The following ATP8B4 variants were observed in gnomAD, a reference collection of about 807,000 sequenced individuals.
ATP8B4 encodes probable phospholipid-transporting ATPase IM.
A neutral mutation model predicts 145.6 loss-of-function variants in ATP8B4; 133 were observed. That is an observed-to-expected ratio of 0.91 (90% CI 0.79 to 1.05). The LOEUF is 1.05. ATP8B4 is among the 50% of genes least tolerant of loss of function. The pLI is 0.00. For synonymous variants in ATP8B4, 507 were observed against 492.9 expected (o/e 1.03, Z -0.38); for missense variants, 1,458 against 1,425.2 (o/e 1.02, Z -0.37).
At chr15:50,073,493 T>C (rs1462917103) in intron 3 of ATP8B4, among the ~76,000 whole-genome samples, 1 of 152,192 alleles carries the variant, frequency 6.6e-6, no homozygotes. Flanking sequence ...GCCCAAATCA[T>C]GGGCATTTAG....
intron 6 of ATP8B4, among the ~76,000 whole-genome samples, chr15:50,013,629 A>G (rs2048877345): frequency 6.6e-6 from 1 of 152,176 alleles, no homozygotes; most frequent in Non-Finnish European, 1.5e-5. Context: ...ATTGCTAAAT[A>G]AGCCAAAATC....
chr15:49,967,962 TC>T (rs775936246), intron 13 of ATP8B4, among the ~76,000 whole-genome samples: 2 of 152,034 alleles, frequency 1.3e-5, no homozygotes, highest in African/African-American at 4.8e-5. Context: ...AGAGTGAGGG[TC>T]AATATTCAAC....
chr15:50,034,699 G>C (rs1305873796), intron 6 of ATP8B4, among the ~76,000 whole-genome samples: 1 of 152,236 alleles, frequency 6.6e-6, no homozygotes, highest in South Asian at 2.1e-4. Context: ...ATTGCTCTGG[G>C]CTGTAAATGG....
chr15:49,970,530 A>C (rs1485307794), intron 13 of ATP8B4, among the ~76,000 whole-genome samples: 1 of 152,206 alleles, frequency 6.6e-6, no homozygotes, highest in Non-Finnish European at 1.5e-5. Context: ...CAATAGCTAC[A>C]AAGAGAATAA....
chr15:50,075,313 C>A (rs537713742), intron 2 of ATP8B4, among the ~76,000 whole-genome samples: 3 of 152,130 alleles, frequency 2.0e-5, no homozygotes, highest in African/African-American at 4.8e-5. Context: ...TATATTTCAG[C>A]ACCCACCTCT....
At chr15:50,033,465 G>A (rs760379217) in intron 6 of ATP8B4, among the ~76,000 whole-genome samples, 6 of 152,178 alleles carry the variant, frequency 3.9e-5, no homozygotes, top group Non-Finnish European at 8.8e-5. Context: ...ACACAAAGAA[G>A]GGATGCTAGC....
chr15:50,034,230 T>C (rs1001863055), intron 6 of ATP8B4, among the ~76,000 whole-genome samples: 1 of 39,872 alleles, frequency 2.5e-5, no homozygotes, highest in Non-Finnish European at 4.9e-5. Flanking sequence ...CTTTCCTTGT[T>C]TTTTTTTTTT....
chr15:49,896,891 A>G (rs989435897), intron 23 of ATP8B4: 3 of 180,390 alleles, frequency 1.7e-5, no homozygotes, highest in African/African-American at 7.2e-5. Context: ...GTCCAGATAC[A>G]TTTAGTGTGT....
At chr15:49,976,614 G>C (rs960560777) in intron 12 of ATP8B4, among the ~76,000 whole-genome samples, 1 of 152,122 alleles carries the variant, frequency 6.6e-6, no homozygotes, top group Non-Finnish European at 1.5e-5. Context: ...AAGTCTAGTA[G>C]CTCCCTGTAA....
At chr15:50,032,394 A>G (rs963488059) in intron 6 of ATP8B4, among the ~76,000 whole-genome samples, 1 of 152,140 alleles carries the variant, frequency 6.6e-6, no homozygotes, top group South Asian at 2.1e-4. Context: ...ATAGTATTCC[A>G]TGGTGTATAT....
At chr15:49,913,904 C>T (rs2039480619) in intron 20 of ATP8B4, among the ~76,000 whole-genome samples, 1 of 152,028 alleles carries the variant, frequency 6.6e-6, no homozygotes, top group South Asian at 2.1e-4. Context: ...ACATTCCATG[C>T]TCATGGATTG....
At chr15:50,037,961 T>C (rs1264489226) in intron 6 of ATP8B4, among the ~76,000 whole-genome samples, 1 of 152,234 alleles carries the variant, frequency 6.6e-6, no homozygotes, top group Non-Finnish European at 1.5e-5. Context: ...CCCTCACATA[T>C]GGCTAATTCA....
intron 14 of ATP8B4, among the ~76,000 whole-genome samples, chr15:49,948,714 G>A (rs1216067777): frequency 2.0e-5 from 3 of 152,086 alleles, no homozygotes; most frequent in African/African-American, 7.2e-5. Context: ...TGTCAGATGG[G>A]TAGATTGCAA....
intron 1 of ATP8B4, among the ~76,000 whole-genome samples, chr15:50,112,717 G>C (rs1316435159): frequency 6.6e-6 from 1 of 152,022 alleles, no homozygotes; most frequent in Non-Finnish European, 1.5e-5. Flanking sequence ...CCTCCAAGCT[G>C]TGTGAGGTTA....
intron 15 of ATP8B4, among the ~76,000 whole-genome samples, chr15:49,931,790 G>A (rs1308079159): frequency 6.6e-6 from 1 of 151,962 alleles, no homozygotes; most frequent in Non-Finnish European, 1.5e-5. Context: ...CACAGCTAAA[G>A]AGTGATGGAG....
At chr15:50,034,024 A>ATG (rs1012518987) in intron 6 of ATP8B4, among the ~76,000 whole-genome samples, 11 of 152,122 alleles carry the variant, frequency 7.2e-5, no homozygotes, top group South Asian at 4.1e-4. Context: ...CAATGAGCAT[A>ATG]TGTGTGTGTG....
intron 1 of ATP8B4, among the ~76,000 whole-genome samples, chr15:50,133,875 C>T (rs1462694375): frequency 6.6e-6 from 1 of 152,118 alleles, no homozygotes; most frequent in Non-Finnish European, 1.5e-5. Flanking sequence ...GTGGTTCATG[C>T]ATGGAATCGC....
At chr15:50,026,982 A>AATG (rs1350446892) in intron 6 of ATP8B4, among the ~76,000 whole-genome samples, 1 of 152,104 alleles carries the variant, frequency 6.6e-6, no homozygotes, top group East Asian at 1.9e-4. Context: ...AAGACCTAGT[A>AATG]ATCCTCTATG....
chr15:50,000,948 T>C (rs969833404), intron 8 of ATP8B4, among the ~76,000 whole-genome samples: 2 of 152,116 alleles, frequency 1.3e-5, no homozygotes, highest in African/African-American at 4.8e-5. Context: ...AATTGTCAAA[T>C]TTATGTGTGC....
Sources: allele counts gnomAD v4.1 joint callset (sites outside exome capture counted in the v4.1 genomes callset), GRCh38; gene constraint gnomAD v4.1.1; transcripts MANE v1.5; gene names NCBI Gene and HGNC (gene_info 2026-07-23, HGNC 2026-07-21).